Variants in FCHO2 observed in about 807,000 individuals in gnomAD.
FCHO2 encodes the protein FCH and mu domain containing endocytic adaptor 2, also known as F-BAR domain only protein 2.
A neutral mutation model predicts 114.1 loss-of-function variants in FCHO2; 43 were observed. The ratio of observed to expected loss-of-function variants is 0.38; its 90% CI spans 0.30 to 0.49. The LOEUF is 0.49. Ranked by LOEUF, FCHO2 falls within the 20% of genes least tolerant of loss-of-function variation. The probability of loss-of-function intolerance (pLI) is 0.97; values close to 1 mark genes in which losing one functional copy is unlikely to be tolerated. For missense variants in FCHO2, 807 were observed against 950.4 expected (o/e 0.85, Z 1.98); for synonymous variants, 293 against 315.2 (o/e 0.93, Z 0.75).
In FCHO2 at chr5:73,038,758, C is replaced by T. The variant is rs186145783; in HGVS notation, c.914+1543C>T. On this transcript the variant is annotated intron_variant, in intron 10 of 25. Coordinates refer to ENST00000430046, the MANE Select transcript of FCHO2 (RefSeq NM_138782.3). ...ATATCTATAGTTATCAAATCTTCTG[C>T]AAATGTCTTTCTTGAGCATTTATGA... Among the ~76,000 whole-genome samples the T allele has an allele frequency of 2.2e-4, 34 of 152,252 alleles. No homozygotes were observed. The East Asian group carries it at 6.2e-3, about 28-fold the overall frequency.
chr5:73,051,575 G>A (rs1287120354), intron 12 of FCHO2, among the ~76,000 whole-genome samples, 169 bp downstream of exon 12: 1 of 151,128 alleles, frequency 6.6e-6, no homozygotes, highest in Non-Finnish European at 1.5e-5. Context: ...GTTTTTTTTG[G>A]GTTTTTTTTG....
chr5:73,074,942 C>T, intron 20 of FCHO2, 89 bp downstream of exon 20: 1 of 1,010,856 alleles, frequency 9.9e-7, no homozygotes, highest in Non-Finnish European at 1.4e-6. Flanking sequence ...TTAAGAATTA[C>T]ATTTTGATTC....
intron 1 of FCHO2, among the ~76,000 whole-genome samples, chr5:72,961,176 G>A (rs563209073): frequency 1.1e-4 from 17 of 151,950 alleles, no homozygotes; most frequent in Non-Finnish European, 2.2e-4. Flanking sequence ...TAAAATTCTG[G>A]AATTGCTATT....
At chr5:73,006,357 A>G (rs1561441739) in intron 5 of FCHO2, 88 bp from the exon 6 acceptor site, 10 of 776,548 alleles carry the variant, frequency 1.3e-5, no homozygotes, top group East Asian at 6.6e-5. Flanking sequence ...CTTAAAATGT[A>G]TTTTAATTTG....
intron 5 of FCHO2, among the ~76,000 whole-genome samples, chr5:72,995,895 G>A (rs1754065642): frequency 6.6e-6 from 1 of 151,968 alleles, no homozygotes; most frequent in African/African-American, 2.4e-5. Context: ...AGTTTCACAA[G>A]CATTCAAACC....
intron 1 of FCHO2, among the ~76,000 whole-genome samples, chr5:72,959,790 T>C (rs931388671): frequency 9.2e-5 from 14 of 151,926 alleles, no homozygotes; most frequent in Admixed American, 7.2e-4. Flanking sequence ...TTTTTTTTTT[T>C]TTTTTCTGAA....
At chr5:72,966,486 C>T (rs1451135587) in intron 1 of FCHO2, among the ~76,000 whole-genome samples, 1 of 152,072 alleles carries the variant, frequency 6.6e-6, no homozygotes, top group African/African-American at 2.4e-5. Context: ...GTTGCAGAAG[C>T]CAAATGGAAA....
At chr5:72,965,179 C>A (rs1752129813) in intron 1 of FCHO2, among the ~76,000 whole-genome samples, 2 of 152,004 alleles carry the variant, frequency 1.3e-5, no homozygotes, top group South Asian at 4.2e-4. Flanking sequence ...GTTGAACGTC[C>A]CGTATACCTG....
At chr5:72,989,331 A>G (rs1405172048) in intron 2 of FCHO2, 96 bp from the exon 3 acceptor site, 7 of 823,578 alleles carry the variant, frequency 8.5e-6, no homozygotes, top group Non-Finnish European at 1.3e-5. Flanking sequence ...TTTTTGAGGT[A>G]TCTTTTTGTT....
chr5:73,035,786 G>A (rs187161881), intron 9 of FCHO2, among the ~76,000 whole-genome samples: 1 of 151,988 alleles, frequency 6.6e-6, no homozygotes, highest in African/African-American at 2.4e-5. Context: ...ACAGGCGTGA[G>A]CCACCACACC....
rs111235840 is a variant in FCHO2 at position 72,984,807 on chromosome 5, A to ATT, written c.126-4612_126-4611dup. Among the ~76,000 whole-genome samples, 1,160 of 150,918 alleles carry ATT rather than the reference A, an allele frequency of 7.7e-3. 12 individuals are homozygous for ATT. The highest frequency in any genetic ancestry group is 0.027 in the African/African-American group (1,111 of 41,180). Reference sequence around the variant, plus strand: ...ACCACCATGCCCAGCTAATTTTTGTATTTTTTTTTGTAGAGATGAGGGTTC... The same window carrying ATT: ...ACCACCATGCCCAGCTAATTTTTGTATTTTTTTTTTTGTAGAGATGAGGGTTC... On this transcript the variant is annotated intron_variant, in intron 2 of 25. Transcript: ENST00000430046.
intron 11 of FCHO2, among the ~76,000 whole-genome samples, chr5:73,045,198 T>C (rs1756999515): frequency 6.6e-6 from 1 of 152,198 alleles, no homozygotes; most frequent in South Asian, 2.1e-4. Flanking sequence ...TCAATCAAAA[T>C]AGGACATTTT....
At chr5:72,974,344 C>G (rs1580017580) in intron 2 of FCHO2, among the ~76,000 whole-genome samples, 1 of 141,726 alleles carries the variant, frequency 7.1e-6, no homozygotes. Flanking sequence ...GTCTAAGTCT[C>G]TTTGTAGGTC....
At position 72,956,108 on chromosome 5, in the gene FCHO2, G is replaced by A; in HGVS notation, c.12G>A (p.Ala4=). 6.5e-7 allele frequency: 1 copy of A among 1,542,276 alleles called. No homozygotes were observed. Among genetic ancestry groups the A allele is most frequent in the Non-Finnish European group, 8.7e-7 (1 of 1,143,292 alleles). Residue 4 remains alanine, a synonymous_variant, in exon 1 of 26, where the codon GCG becomes GCA. Coordinates refer to ENST00000430046, the MANE Select transcript of FCHO2 (RefSeq NM_138782.3). ...GCGGCGGCGGCACGATGGTCATGGC[G>A]TATTTCGTCGAGAATTTTTGGGTAA... MVM[A]YFVENFWGEK...
At chr5:72,974,449 A>G (rs1019996546) in intron 2 of FCHO2, among the ~76,000 whole-genome samples, 4 of 149,826 alleles carry the variant, frequency 2.7e-5, no homozygotes, top group East Asian at 2.0e-4. Context: ...TCCCTTTACT[A>G]TTATGTAATG....
chr5:73,020,850 T>C, intron 8 of FCHO2: 1 of 953,594 alleles, frequency 1.0e-6, no homozygotes, highest in Non-Finnish European at 1.7e-6. Flanking sequence ...CTGAGATATT[T>C]ACTCTGACCA....
chr5:73,088,497 T>A lies in FCHO2; in HGVS notation c.*407T>A, dbSNP rs1278574930. ...AGTCAGAGATAACTTTGAAATTTCATAAGTTTGATATTCAGTGGATACAAA... is the reference window on the plus strand; with the variant it reads ...AGTCAGAGATAACTTTGAAATTTCAAAAGTTTGATATTCAGTGGATACAAA... On this transcript the variant is annotated 3_prime_UTR_variant, in exon 26 of 26. Coordinates refer to ENST00000430046, the MANE Select transcript of FCHO2 (RefSeq NM_138782.3). The A allele has an allele frequency of 5.6e-6, 1 of 179,518 alleles. No homozygotes were observed. The highest frequency in any genetic ancestry group is 1.2e-5 in the Non-Finnish European group (1 of 83,820). 11.1% of individuals were successfully genotyped at this position (179,518 alleles called of 1,614,324 possible). A position where few individuals can be genotyped will look rare whatever the true frequency, so the allele number is the denominator to read the frequency against.
At chr5:73,083,991 A>G (rs774674248) in intron 24 of FCHO2, among the ~76,000 whole-genome samples, 3 of 151,856 alleles carry the variant, frequency 2.0e-5, no homozygotes, top group Non-Finnish European at 4.4e-5. Context: ...TATCAGCAGC[A>G]TTCAATTTTC....
intron 2 of FCHO2, among the ~76,000 whole-genome samples, chr5:72,973,432 A>G (rs1411432737): frequency 6.6e-6 from 1 of 152,026 alleles, no homozygotes; most frequent in Admixed American, 6.6e-5. Flanking sequence ...TAGTCTTGGG[A>G]GAGTGTATGT....
Sources: gnomAD v4.1 joint callset for allele counts (sites outside exome capture counted in the v4.1 genomes callset) on GRCh38, gnomAD v4.1.1 for gene constraint, MANE v1.5 for transcripts, NCBI Gene and HGNC (gene_info 2026-07-23, HGNC 2026-07-21) for gene names.